MCM2: variants seen among roughly 807,000 people sequenced by gnomAD.
MCM2 encodes the protein DNA replication licensing factor MCM2.
In MCM2, 49 loss-of-function variants were observed where a neutral mutation model predicts 86.4. The ratio of observed to expected loss-of-function variants is 0.57; its 90% CI spans 0.45 to 0.72. The LOEUF (loss-of-function observed/expected upper bound fraction) is 0.72, where lower values mean the gene tolerates loss of function less well. MCM2 is among the 30% of genes least tolerant of loss of function. The pLI, the probability that MCM2 is intolerant of heterozygous loss-of-function variation, is 0.00. For synonymous variants in MCM2, 475 were observed against 484.6 expected, an observed-to-expected ratio of 0.98 and a Z score of 0.26; for missense variants, 1,038 against 1,259.9, an observed-to-expected ratio of 0.82 and a Z score of 2.67.
At chr3:127,613,712 G>A (rs1559865404) in intron 8 of MCM2, among the ~76,000 whole-genome samples, 3 of 152,234 alleles carry the variant, frequency 2.0e-5, no homozygotes, top group Non-Finnish European at 4.4e-5. Context: ...CAGGTATGTA[G>A]AATGGTGTAG....
rs576617940 is a variant in MCM2, at chr3:127,619,426, C to A, written c.2265+148C>A. 6 of 951,812 alleles carry A rather than the reference C, an allele frequency of 6.3e-6. No homozygotes were observed. In the African/African-American group the frequency reaches 9.9e-5, roughly 16 times the overall value. The allele number at this position is 951,812 out of a possible 1,614,324, so 59.0% of individuals were successfully genotyped here. On this transcript the variant is annotated intron_variant, in intron 13 of 15. Transcript: ENST00000265056. ...AAAAAAAAAATGTAGGTGCCAGGCA[C>A]AGTGGCTCACGCCTGTAATCCCAGT... is the stretch of plus-strand genomic sequence containing the variant.
At chr3:127,616,765 C>A in intron 9 of MCM2, 103 bp from the exon 10 acceptor site, 1 of 1,318,426 alleles carries the variant, frequency 7.6e-7, no homozygotes, top group Non-Finnish European at 1.1e-6. Context: ...TGTGCCTTAC[C>A]ATTCCTAACA....
intron 8 of MCM2, among the ~76,000 whole-genome samples, chr3:127,614,351 C>T (rs959755195): frequency 6.6e-6 from 1 of 151,526 alleles, no homozygotes; most frequent in Non-Finnish European, 1.5e-5. Flanking sequence ...TGTTGTTGTT[C>T]ACATTTCCCT....
rs1214939614 is a variant in MCM2, at chr3:127,617,964, T to C, written c.1901-5T>C. Reference sequence around the variant, plus strand: ...CCCTGATGGAGGTGCTCCCCTGTGTTTCAGGAGGGCGCTACGACCCCTCGC... The same window carrying C: ...CCCTGATGGAGGTGCTCCCCTGTGTCTCAGGAGGGCGCTACGACCCCTCGC... On this transcript the variant is annotated splice_polypyrimidine_tract_variant and splice_region_variant and intron_variant, in intron 11 of 15. Transcript: ENST00000265056. The surrounding 1 kb of genome is among the most constrained non-coding windows in gnomAD (Gnocchi z 4.1). The C allele has an allele frequency of 6.2e-7, 1 of 1,611,610 alleles. No individual in the cohort carries two copies. The highest frequency in any genetic ancestry group is 1.1e-5 in the South Asian group (1 of 90,712).
Position 127,605,014 on chromosome 3 carries a change from C to T in MCM2, c.531C>T (p.Leu177=), listed in dbSNP as rs1316447460. The T allele has an allele frequency of 1.9e-6, 3 of 1,614,036 alleles. No individual in the cohort carries two copies. The South Asian group carries it at 3.3e-5, about 18-fold the overall frequency. Residue 177 remains leucine, a synonymous_variant, in exon 4 of 16, where the codon CTC becomes CTT. Transcript: ENST00000265056. The part of the protein sequence containing the change: ...MIESIENLED[L]KGHSVREWVS... Reference sequence around the variant, plus strand: ...AGAGCATCGAGAACCTGGAGGATCTCAAAGGCCACTCTGTGCGCGAGTGGG... The same window carrying T: ...AGAGCATCGAGAACCTGGAGGATCTTAAAGGCCACTCTGTGCGCGAGTGGG...
At chr3:127,601,143 T>C (rs1012008370) in intron 2 of MCM2, among the ~76,000 whole-genome samples, 10 of 152,196 alleles carry the variant, frequency 6.6e-5, no homozygotes, top group African/African-American at 2.4e-4. Flanking sequence ...AATCATATTA[T>C]ATATGCACTT....
chr3:127,604,300 A>G (rs891504995), intron 2 of MCM2: 2 of 318,630 alleles, frequency 6.3e-6, no homozygotes, highest in Non-Finnish European at 5.8e-6. Flanking sequence ...GTGGAACCAT[A>G]TAGGATTTGT....
chr3:127,599,931 C>G (rs1180044794), intron 2 of MCM2, among the ~76,000 whole-genome samples: 1 of 152,192 alleles, frequency 6.6e-6, no homozygotes, highest in Non-Finnish European at 1.5e-5. Context: ...GTTTTAGAGT[C>G]AATCAGCAAA....
chr3:127,604,796 G>T lies in MCM2; in HGVS notation c.412+13G>T. ...GGGCTCCTGTATGGTAGGTCCAGTT[G>T]TCTGCCTGCCCGAGGGACTGGGAAG... On this transcript the variant is annotated intron_variant, in intron 3 of 15. Coordinates refer to ENST00000265056, the MANE Select transcript of MCM2 (RefSeq NM_004526.4). 6.3e-7 allele frequency: 1 copy of T among 1,578,542 alleles called. No homozygotes were observed.
chr3:127,608,287 AG>A, intron 6 of MCM2, 94 bp from the exon 7 acceptor site: 1 of 1,496,762 alleles, frequency 6.7e-7, no homozygotes, highest in Non-Finnish European at 9.1e-7. Context: ...GCCACTCAGG[AG>A]TCGGAATCCT....
intron 8 of MCM2, among the ~76,000 whole-genome samples, chr3:127,615,095 T>C (rs758072812): frequency 6.6e-6 from 1 of 152,176 alleles, no homozygotes; most frequent in Non-Finnish European, 1.5e-5. Flanking sequence ...TTTCCTGCCT[T>C]AGTCCCCTCT....
At chr3:127,615,773 A>G in intron 8 of MCM2, 89 bp from the exon 9 acceptor site, 1 of 884,820 alleles carries the variant, frequency 1.1e-6, no homozygotes, top group Non-Finnish European at 1.9e-6. Flanking sequence ...TGAGCTGGGG[A>G]TGTCGTGGTT....
At chr3:127,608,564 T>C in intron 7 of MCM2, 48 bp downstream of exon 7, 2 of 1,608,580 alleles carry the variant, frequency 1.2e-6, no homozygotes, top group Non-Finnish European at 1.7e-6. Flanking sequence ...CAGAGGGAAC[T>C]GGCAGAAGCA....
At chr3:127,603,429 T>C (rs1471432552) in intron 2 of MCM2, among the ~76,000 whole-genome samples, 1 of 152,124 alleles carries the variant, frequency 6.6e-6, no homozygotes, top group Non-Finnish European at 1.5e-5. Flanking sequence ...TTCAAAGTGC[T>C]AGGATTACAG....
In MCM2 at chr3:127,605,077, C is replaced by A. The variant is rs371840356; in HGVS notation, c.594C>A (p.Arg198=). Residue 198 remains arginine, a synonymous_variant, in exon 4 of 16, where the codon CGC becomes CGA. Transcript: ENST00000265056. ...MAGPRLEIHH[R]FKNFLRTHVD... ...GCCCCCGGCTGGAGATCCACCACCGCTTCAAGAACTTCCTGCGCACTCACG... is the reference window on the plus strand; with the variant it reads ...GCCCCCGGCTGGAGATCCACCACCGATTCAAGAACTTCCTGCGCACTCACG... 6.2e-7 allele frequency: 1 copy of A among 1,613,934 alleles called. No homozygotes were observed. Among genetic ancestry groups the A allele is most frequent in the Admixed American group, 1.7e-5 (1 of 60,012 alleles).
In MCM2 at chr3:127,617,656, A is replaced by G; in HGVS notation, c.1900+251A>G. 1 of 603,832 alleles carries G rather than the reference A, an allele frequency of 1.7e-6. No homozygotes were observed. Among genetic ancestry groups the G allele is most frequent in the Non-Finnish European group, 2.9e-6 (1 of 344,082 alleles). 37.4% of individuals were successfully genotyped at this position (603,832 alleles called of 1,614,324 possible). On this transcript the variant is annotated intron_variant, in intron 11 of 15. Transcript: ENST00000265056. This position sits in a 1 kb window ranked among gnomAD's most constrained non-coding sequence, Gnocchi z 4.1. ...CTCAGAAGGCATGGGAGGAGAGCCC[A>G]GTGCCCCTCTGGCCAGGATGGAGTT...
rs745408688 is a variant in MCM2, at chr3:127,617,401, C to A, written c.1896C>A (p.Pro632=). 6.2e-7 allele frequency: 1 copy of A among 1,613,524 alleles called. No homozygotes were observed. Among genetic ancestry groups the A allele is most frequent in the Non-Finnish European group, 8.5e-7 (1 of 1,179,798 alleles). The change falls in exon 11 of 16, where the codon CCC becomes CCA. Residue 632 remains proline, a synonymous_variant. Transcript: ENST00000265056. The surrounding 1 kb of genome is among the most constrained non-coding windows in gnomAD (Gnocchi z 4.1). ...ARCTVIAAAN[P]IGGRYDPSLT... The stretch of plus-strand genomic sequence containing the variant: ...GCACGGTCATTGCTGCCGCCAACCC[C>A]ATAGGTGCAGCAGGCACCCTGACTG...
chr3:127,611,574 G>C (rs2074395400), intron 8 of MCM2, among the ~76,000 whole-genome samples: 1 of 150,810 alleles, frequency 6.6e-6, no homozygotes, highest in Non-Finnish European at 1.5e-5. Context: ...CTTGATGCCT[G>C]CTATTTGTGT....
chr3:127,609,786 C>T (rs556757600), intron 8 of MCM2, among the ~76,000 whole-genome samples: 3 of 151,104 alleles, frequency 2.0e-5, no homozygotes, highest in South Asian at 2.1e-4. Flanking sequence ...TTCTCAAGCT[C>T]GCTGCTCTCC....
Sources: gnomAD v4.1 joint callset for allele counts (sites outside exome capture counted in the v4.1 genomes callset) on GRCh38, gnomAD v4.1.1 for gene constraint, Gnocchi (gnomAD v3.1) non-coding constraint, MANE v1.5 for transcripts, NCBI Gene and HGNC (gene_info 2026-07-23, HGNC 2026-07-21) for gene names.